Variants in HDAC9 observed in about 807,000 individuals in gnomAD.
HDAC9 encodes MEF-2 interacting transcription repressor (MITR) protein.
HDAC9 carries 41 observed loss-of-function variants against 139.4 expected under a neutral mutation model. The ratio of observed to expected loss-of-function variants is 0.29; its 90% CI spans 0.23 to 0.38. The LOEUF (loss-of-function observed/expected upper bound fraction) is 0.38. Among genes scored for constraint, HDAC9 ranks in the 10% least tolerant of loss-of-function variants. HDAC9 has a pLI of 1.00. For missense variants in HDAC9, 1,147 were observed against 1,297.0 expected, an observed-to-expected ratio of 0.88 and a Z score of 1.78; for synonymous variants, 517 against 476.2, an observed-to-expected ratio of 1.09 and a Z score of -1.12.
chr7:18,990,643 C>A lies in HDAC9; in HGVS notation c.3171-5380C>A, dbSNP rs201223624. Among the ~76,000 whole-genome samples the A allele has an allele frequency of 1.8e-4, 28 of 152,366 alleles. No individual in the cohort carries two copies. In the East Asian group the frequency reaches 2.9e-3, roughly 16 times the overall value. On this transcript the variant is annotated intron_variant, in intron 25 of 25. Transcript: ENST00000686413. Reference sequence around the variant, plus strand: ...TGGGCAATGGCGGGCGCCCCTCCCCCAGCCTGGCTGCCGCCTTGCAGTTTG... The same window carrying A: ...TGGGCAATGGCGGGCGCCCCTCCCCAAGCCTGGCTGCCGCCTTGCAGTTTG...
intron 18 of HDAC9, 97 bp downstream of exon 18, chr7:18,829,313 G>A: frequency 8.4e-7 from 1 of 1,185,096 alleles, no homozygotes; most frequent in Admixed American, 1.7e-5. Context: ...GTTAGCAGAT[G>A]GACTGAAAAA....
At chr7:18,749,214 A>G (rs1471523357) in intron 14 of HDAC9, 76 bp downstream of exon 14, 4 of 1,441,874 alleles carry the variant, frequency 2.8e-6, no homozygotes, top group Non-Finnish European at 3.8e-6. Context: ...TTTGGGGAGT[A>G]ATAGAAAAAT....
chr7:18,786,619 C>CCTTCCTTCAT, intron 16 of HDAC9, among the ~76,000 whole-genome samples: 1 of 17,262 alleles, frequency 5.8e-5, no homozygotes, highest in Admixed American at 4.7e-4. Context: ...CCTTCCTTCC[C>CCTTCCTTCAT]TCCCTCCCTC....
chr7:18,511,243 C>A lies in HDAC9; in HGVS notation c.22+14919C>A, dbSNP rs1041545312. 2.0e-5 allele frequency among the ~76,000 whole-genome samples: 3 copies of A among 152,160 alleles called. No homozygotes were observed. The East Asian group carries it at 5.8e-4, about 29-fold the overall frequency. The stretch of plus-strand genomic sequence containing the variant: ...GAAAACAACCCTCAATCAACTGATA[C>A]CCGTAGTACCCCTAGTCTCTCACTA... On this transcript the variant is annotated intron_variant, in intron 2 of 25. Transcript: ENST00000686413.
At chr7:18,293,356 G>A (rs891314330) in intron 1 of HDAC9, among the ~76,000 whole-genome samples, 1 of 151,324 alleles carries the variant, frequency 6.6e-6, no homozygotes, top group Non-Finnish European at 1.5e-5. Flanking sequence ...TGTGCACAAC[G>A]TGCAGGTTTG....
intron 23 of HDAC9, among the ~76,000 whole-genome samples, chr7:18,941,423 G>GT (rs1283633901): frequency 3.9e-5 from 6 of 152,156 alleles, no homozygotes; most frequent in Non-Finnish European, 7.4e-5. Context: ...ATTGACTCTA[G>GT]TAAGTGTTGA....
At chr7:18,652,913 A>T (rs1427889546) in intron 11 of HDAC9, among the ~76,000 whole-genome samples, 2 of 152,030 alleles carry the variant, frequency 1.3e-5, no homozygotes, top group African/African-American at 2.4e-5. Context: ...AGCTTATAGG[A>T]TGGGGAGCAG....
intron 11 of HDAC9, among the ~76,000 whole-genome samples, chr7:18,663,532 C>T (rs946079882): frequency 1.3e-5 from 2 of 151,970 alleles, no homozygotes; most frequent in Admixed American, 6.6e-5. Flanking sequence ...ATCTTTCATC[C>T]GGTACTCAGT....
chr7:18,506,240 G>C (rs1468095263), intron 2 of HDAC9, among the ~76,000 whole-genome samples: 2 of 152,176 alleles, frequency 1.3e-5, no homozygotes, highest in Non-Finnish European at 2.9e-5. Context: ...TGAGAGAAAA[G>C]GGAGAGCTCT....
At chr7:18,116,078 G>A (rs138851121) in intron 1 of HDAC9, among the ~76,000 whole-genome samples, 1,699 of 152,166 alleles carry the variant, frequency 0.011, 30 homozygotes, top group Non-Finnish European at 0.011. Context: ...TTTCTCAATG[G>A]TTTCATGCTG....
chr7:18,886,804 G>T (rs1281119422), intron 22 of HDAC9, among the ~76,000 whole-genome samples: 3 of 152,106 alleles, frequency 2.0e-5, no homozygotes, highest in Non-Finnish European at 4.4e-5. Flanking sequence ...TTAAATAATA[G>T]TTGATTCTCT....
chr7:18,466,879 G>C (rs959252611), intron 1 of HDAC9, among the ~76,000 whole-genome samples: 3 of 152,056 alleles, frequency 2.0e-5, no homozygotes, highest in African/African-American at 7.2e-5. Flanking sequence ...GTCTGTTTCA[G>C]GGAAACCTTA....
rs1488977501 is a variant in HDAC9, at chr7:18,801,306, G to C, written c.2322+7854G>C. On this transcript the variant is annotated intron_variant, in intron 17 of 25. Coordinates refer to ENST00000686413, the MANE Select transcript of HDAC9 (RefSeq NM_178425.4). Reference sequence around the variant, plus strand: ...CTTTTCTAAGAATTTTCTTTCTCCTGTGAGAGAATTTTACATTGTATGAAA... The same window carrying C: ...CTTTTCTAAGAATTTTCTTTCTCCTCTGAGAGAATTTTACATTGTATGAAA... Among the ~76,000 whole-genome samples, 4 of 151,916 alleles carry C rather than the reference G, an allele frequency of 2.6e-5. No homozygotes were observed. In the East Asian group the frequency reaches 7.7e-4, roughly 29 times the overall value.
intron 2 of HDAC9, among the ~76,000 whole-genome samples, chr7:18,176,805 G>T (rs867702431): frequency 1.3e-4 from 19 of 151,754 alleles, no homozygotes; most frequent in Admixed American, 2.6e-4. Flanking sequence ...CTGTATTATT[G>T]TGCTTCCTTT....
At chr7:18,162,375 T>C in intron 2 of HDAC9, 1 of 1,526,186 alleles carries the variant, frequency 6.6e-7, no homozygotes, top group Non-Finnish European at 8.8e-7. Context: ...TCTTAAACTG[T>C]TAATAGACTT....
intron 2 of HDAC9, among the ~76,000 whole-genome samples, chr7:18,217,983 C>A (rs1792432001): frequency 6.6e-6 from 1 of 152,060 alleles, no homozygotes. Context: ...GGACCCATTT[C>A]AAAAATGATT....
chr7:18,954,295 T>A, intron 24 of HDAC9, 65 bp downstream of exon 24: 1 of 1,069,502 alleles, frequency 9.4e-7, no homozygotes, highest in South Asian at 1.4e-5. Flanking sequence ...ATATTGAAAA[T>A]TATAGTACAA....
At chr7:18,347,586 T>A (rs1340023716) in intron 1 of HDAC9, among the ~76,000 whole-genome samples, 1 of 152,120 alleles carries the variant, frequency 6.6e-6, no homozygotes, top group Non-Finnish European at 1.5e-5. Flanking sequence ...ATGTTCTTAT[T>A]TATTTTATTT....
intron 16 of HDAC9, among the ~76,000 whole-genome samples, chr7:18,789,286 G>GCGCGCA (rs146066951): frequency 3.4e-4 from 50 of 148,504 alleles, no homozygotes; most frequent in Non-Finnish European, 5.6e-4. Context: ...ACACATACAC[G>GCGCGCA]CACACACACA....
Sources: gnomAD v4.1 joint callset for allele counts (sites outside exome capture counted in the v4.1 genomes callset) on GRCh38, gnomAD v4.1.1 for gene constraint, MANE v1.5 for transcripts, NCBI Gene and HGNC (gene_info 2026-07-23, HGNC 2026-07-21) for gene names.